The following HLA-DRB1 variants were observed in gnomAD, a reference collection of about 807,000 sequenced individuals.
HLA-DRB1 encodes the protein major histocompatibility complex, class II, DR beta 1.
A neutral mutation model predicts 27.9 loss-of-function variants in HLA-DRB1; 10 were observed. The ratio of observed to expected loss-of-function variants is 0.36; its 90% CI spans 0.22 to 0.61. The LOEUF (loss-of-function observed/expected upper bound fraction) is 0.61. HLA-DRB1 is among the 20% of genes least tolerant of loss of function. HLA-DRB1 has a pLI of 0.73. For missense variants in HLA-DRB1, 118 were observed against 306.3 expected (o/e 0.39, Z 4.59); for synonymous variants, 57 against 126.7 (o/e 0.45, Z 3.69).
chr6:32,584,466 G>T, intron 1 of HLA-DRB1, 88 bp from the exon 2 acceptor site: 2 of 620,406 alleles, frequency 3.2e-6, no homozygotes, highest in Non-Finnish European at 4.8e-6. Context: ...CCTGAGCGGG[G>T]TGCGGGCGCT....
At chr6:32,584,180 G>T (rs9269942) in exon 2 of HLA-DRB1, 20,931 of 874,944 alleles carry the variant, frequency 0.024, 253 homozygotes, top group Non-Finnish European at 0.028. Flanking sequence ...CGCGGCCCGC[G>T]CCTGCTCCAG....
rs28724037 is a variant in HLA-DRB1 at position 32,583,150 on chromosome 6, T to A, written c.370+959A>T. On this transcript the variant is annotated intron_variant, in intron 2 of 5. Coordinates refer to ENST00000360004, the Ensembl canonical transcript of HLA-DRB1. Reference sequence around the variant, plus strand: ...CCTCAAGATATTAGACCGTAGATCATTGTCCATTACCTACCAAATACAATA... The same window carrying A: ...CCTCAAGATATTAGACCGTAGATCAATGTCCATTACCTACCAAATACAATA... Among the ~76,000 whole-genome samples, 639 of 69,874 alleles carry A rather than the reference T, an allele frequency of 9.1e-3. 55 individuals carry two copies. Among genetic ancestry groups the A allele is most frequent in the South Asian group, 0.031 (68 of 2,176 alleles). 45.8% of individuals were successfully genotyped at this position (69,874 alleles called of 152,430 possible). A position where few individuals can be genotyped will look rare whatever the true frequency, so the allele number is the denominator to read the frequency against.
At chr6:32,578,949 A>G (rs142078339) in exon 6 of HLA-DRB1, 16,716 of 488,632 alleles carry the variant, frequency 0.034, 3,813 homozygotes, top group East Asian at 0.17. Flanking sequence ...ACAAGGGAGG[A>G]CATTTTCTGC....
At chr6:32,582,240 A>G (rs28723983) in intron 2 of HLA-DRB1, among the ~76,000 whole-genome samples, 17,118 of 118,822 alleles carry the variant, frequency 0.14, no homozygotes, top group East Asian at 0.2. Context: ...ACCTACAATG[A>G]AGGATAATTA....
rs769556955 is a variant in HLA-DRB1 at position 32,584,352 on chromosome 6, C to CAGA, written c.126_127insTCT (p.Arg42_Glu43insSer). ...TCCGTCCCATTGAAGAAATGACACT[C>CAGA]CCTCTTAGGCTGCCACAGGAAACGT... On this transcript the variant is annotated inframe_insertion, in exon 2 of 6. Coordinates refer to ENST00000360004, the Ensembl canonical transcript of HLA-DRB1. 5.0e-4 allele frequency: 419 copies of CAGA among 833,574 alleles called. 41 individuals carry two copies. Among genetic ancestry groups the CAGA allele is most frequent in the Non-Finnish European group, 5.9e-4 (316 of 539,492 alleles). 51.6% of individuals were successfully genotyped at this position (833,574 alleles called of 1,614,324 possible).
rs371834999 is a variant in HLA-DRB1 at position 32,583,758 on chromosome 6, C to CA, written c.370+350_370+351insT. Among the ~76,000 whole-genome samples the CA allele has an allele frequency of 9.6e-3, 223 of 23,156 alleles. 14 individuals are homozygous for CA. Among genetic ancestry groups the CA allele is most frequent in the Middle Eastern group, 0.028 (1 of 36 alleles). The allele number at this position is 23,156 out of a possible 152,430, so 15.2% of individuals were successfully genotyped here. On this transcript the variant is annotated intron_variant, in intron 2 of 5. Coordinates refer to ENST00000360004, the Ensembl canonical transcript of HLA-DRB1. ...TTTCCCTTCCCTGCATCTCTAAGGACCGAGATAATCAAGGTCTCCTCTCTC... is the reference window on the plus strand; with the variant it reads ...TTTCCCTTCCCTGCATCTCTAAGGACACGAGATAATCAAGGTCTCCTCTCTC...
At chr6:32,582,954 G>T (rs9269870) in intron 2 of HLA-DRB1, among the ~76,000 whole-genome samples, 108,116 of 130,534 alleles carry the variant, frequency 0.83, 45,664 homozygotes, top group Middle Eastern at 0.89. Context: ...TAATAAAAAT[G>T]TTGCAATATA....
intron 1 of HLA-DRB1, among the ~76,000 whole-genome samples, chr6:32,584,811 A>T (rs9269990): frequency 0.33 from 25,145 of 77,336 alleles, 3,036 homozygotes; most frequent in East Asian, 0.44. Context: ...ACCTTGTGCC[A>T]GGCCTGCGCT....
At position 32,584,008 on chromosome 6, in the gene HLA-DRB1, G is replaced by GTC. The variant is rs202050538; in HGVS notation, c.370+99_370+100dup. On this transcript the variant is annotated intron_variant, in intron 2 of 5. Transcript: ENST00000360004. ...TCTCTTCCTCTCTCTGTCTCTCTCT[G>GTC]TCTCTCTCTCACACACACACACACA... is the stretch of plus-strand genomic sequence containing the variant. 30 of 155,236 alleles carry GTC rather than the reference G, an allele frequency of 1.9e-4. 8 individuals carry two copies. The highest frequency in any genetic ancestry group is 2.8e-4 in the South Asian group (4 of 14,534). 9.6% of individuals were successfully genotyped at this position (155,236 alleles called of 1,614,324 possible). A position where few individuals can be genotyped will look rare whatever the true frequency, so the allele number is the denominator to read the frequency against.
chr6:32,580,871 C>T lies in HLA-DRB1; in HGVS notation c.653-15G>A. On this transcript the variant is annotated splice_polypyrimidine_tract_variant and intron_variant, in intron 3 of 5. Transcript: ENST00000360004. ...AGACCGTGCTCCTGAGAGAGGAAGC[C>T]AGGTTTAGTGATGTTTATTCCAAAT... is the stretch of plus-strand genomic sequence containing the variant. 6.4e-7 allele frequency: 1 copy of T among 1,552,926 alleles called. No individual in the cohort carries two copies. Among genetic ancestry groups the T allele is most frequent in the Non-Finnish European group, 8.8e-7 (1 of 1,137,264 alleles).
intron 1 of HLA-DRB1, among the ~76,000 whole-genome samples, chr6:32,584,620 C>A (rs1288850372): frequency 2.0e-5 from 3 of 150,160 alleles, no homozygotes; most frequent in African/African-American, 7.4e-5. Context: ...CCCTCCCTGC[C>A]TCCAGCCTGT....
chr6:32,582,328 G>A (rs9269836), intron 2 of HLA-DRB1, among the ~76,000 whole-genome samples: 55,638 of 111,760 alleles, frequency 0.5, 8,150 homozygotes, highest in Middle Eastern at 0.6. Flanking sequence ...ATAGCCTTCA[G>A]TTTATGAGGT....
chr6:32,586,303 T>C (rs9270069), intron 1 of HLA-DRB1, among the ~76,000 whole-genome samples: 28,141 of 62,040 alleles, frequency 0.45, 8,973 homozygotes, highest in Middle Eastern at 0.64. Flanking sequence ...GTCCTCACTT[T>C]TACTCACTCT....
At chr6:32,582,632 A>G (rs34307761) in intron 2 of HLA-DRB1, among the ~76,000 whole-genome samples, 843 of 83,048 alleles carry the variant, frequency 0.01, no homozygotes, top group Middle Eastern at 0.022. Context: ...TGAGTCCTGA[A>G]GCAGAGAGAA....
intron 1 of HLA-DRB1, among the ~76,000 whole-genome samples, chr6:32,585,605 T>C (rs915660764): frequency 2.2e-5 from 2 of 91,272 alleles, no homozygotes; most frequent in East Asian, 3.0e-4. Context: ...ATTAGTATCT[T>C]CATCATGATT....
In HLA-DRB1 at chr6:32,581,477, A is replaced by T. The variant is rs1247885943; in HGVS notation, c.652+80T>A. On this transcript the variant is annotated intron_variant, in intron 3 of 5. Coordinates refer to ENST00000360004, the Ensembl canonical transcript of HLA-DRB1. ...AGCAAATTAAAATAGGATGTGGGAG[A>T]GGAGGAACCTGACACTCAGGGATTA... 1.1e-4 allele frequency: 70 copies of T among 627,156 alleles called. 8 individuals carry two copies. In the African/African-American group the frequency reaches 1.7e-3, roughly 15 times the overall value. 38.8% of individuals were successfully genotyped at this position (627,156 alleles called of 1,614,324 possible).
chr6:32,584,523 G>GGGGCTCCTCCTCT, intron 1 of HLA-DRB1, 145 bp from the exon 2 acceptor site: 1 of 606,774 alleles, frequency 1.6e-6, no homozygotes, highest in Non-Finnish European at 2.8e-6. Flanking sequence ...CTGCAGCCCA[G>GGGGCTCCTCCTCT]GAGCTCATCC....
chr6:32,588,169 C>CT (rs9281886), intron 1 of HLA-DRB1, among the ~76,000 whole-genome samples: 61,078 of 120,050 alleles, frequency 0.51, 13,426 homozygotes, highest in Admixed American at 0.57. Flanking sequence ...AGAGTCATCT[C>CT]TTTTGCCTGG....
At chr6:32,586,184 CCTT>C (rs1776362100) in intron 1 of HLA-DRB1, among the ~76,000 whole-genome samples, 17 of 115,862 alleles carry the variant, frequency 1.5e-4, no homozygotes, top group Admixed American at 1.8e-4. Context: ...AGGTCCTCCT[CCTT>C]CTCTTCAGCT....
Sources: allele counts gnomAD v4.1 joint callset (sites outside exome capture counted in the v4.1 genomes callset), GRCh38; gene constraint gnomAD v4.1.1; transcripts MANE v1.5; gene names NCBI Gene and HGNC (gene_info 2026-07-23, HGNC 2026-07-21).